The following MYO18B variants were observed in gnomAD, a reference collection of about 807,000 sequenced individuals.
MYO18B encodes the protein unconventional myosin-XVIIIb.
MYO18B carries 204 observed loss-of-function variants against 273.0 expected under a neutral mutation model. The ratio of observed to expected loss-of-function variants is 0.75; its 90% CI spans 0.67 to 0.84. The LOEUF is 0.84. Ranked by LOEUF, MYO18B falls within the 40% of genes least tolerant of loss-of-function variation. MYO18B has a pLI of 0.00. For missense variants in MYO18B, 3,212 were observed against 3,287.6 expected (o/e 0.98, Z 0.56); for synonymous variants, 1,330 against 1,305.7 (o/e 1.02, Z -0.40).
chr22:25,844,008 C>T (rs2090162434), intron 18 of MYO18B, 114 bp downstream of exon 18: 2 of 932,510 alleles, frequency 2.1e-6, no homozygotes, highest in Non-Finnish European at 3.1e-6. Flanking sequence ...GCCCAGGAAT[C>T]CCATCCCTCC....
chr22:25,858,011 A>G (rs695352), intron 21 of MYO18B, among the ~76,000 whole-genome samples: 15,386 of 152,222 alleles, frequency 0.1, 2,070 homozygotes, highest in African/African-American at 0.31. Flanking sequence ...AATCAACCCA[A>G]TGTAATTGGT....
chr22:25,768,467 C>T lies in MYO18B; in HGVS notation c.551C>T (p.Ala184Val), dbSNP rs747067145. ...DAPPCKTSPP[A>V]TDTGKEKKGE... ...CCCCCTTGCAAGACCTCTCCCCCCG[C>T]CACAGATACTGGAAAGGAAAAGAAA... The change falls in exon 4 of 44, where the codon GCC becomes GTC. Residue 184 changes from alanine (A) to valine (V), a missense_variant. Coordinates refer to ENST00000335473, the MANE Select transcript of MYO18B (RefSeq NM_032608.7). 6 of 1,594,220 alleles carry T rather than the reference C, an allele frequency of 3.8e-6. No homozygotes were observed. The East Asian group carries it at 9.0e-5, about 24-fold the overall frequency.
rs2090428220 is a variant in MYO18B at position 25,851,532 on chromosome 22, C to A, written c.3838C>A (p.Leu1280Ile). The A allele has an allele frequency of 1.3e-5, 20 of 1,561,428 alleles. No individual in the cohort carries two copies. The highest frequency in any genetic ancestry group is 1.6e-5 in the Non-Finnish European group (18 of 1,152,432). Residue 1280 changes from leucine to isoleucine, a missense_variant, in exon 21 of 44, where the codon CTC (leucine) becomes ATC (isoleucine). By Grantham distance (5) the Leu-to-Ile change is conservative. Coordinates refer to ENST00000335473, the MANE Select transcript of MYO18B (RefSeq NM_032608.7). Reference protein sequence around the residue: ...RRQFQVLDAPLLKKLMSTSEG... With the variant: ...RRQFQVLDAPILKKLMSTSEG... ...GCAATTCCAGGTGCTGGACGCTCCA[C>A]TCCTGAAGAAGCTCATGTCGACCTC...
At chr22:25,999,322 A>T (rs886540668) in intron 40 of MYO18B, among the ~76,000 whole-genome samples, 1 of 152,046 alleles carries the variant, frequency 6.6e-6, no homozygotes, top group Non-Finnish European at 1.5e-5. Context: ...CGTTAAGGAG[A>T]ACTTGTATCT....
chr22:25,961,728 G>A (rs1342370932), intron 39 of MYO18B, among the ~76,000 whole-genome samples: 5 of 152,138 alleles, frequency 3.3e-5, no homozygotes, highest in African/African-American at 1.2e-4. Context: ...GTCTGACTTC[G>A]GCCTGCCAGA....
intron 12 of MYO18B, among the ~76,000 whole-genome samples, chr22:25,822,825 T>G (rs1243972026): frequency 6.6e-6 from 1 of 152,218 alleles, no homozygotes; most frequent in Non-Finnish European, 1.5e-5. Context: ...GAAACGTGAC[T>G]GGGGGGACTA....
chr22:26,033,108 C>T (rs1039139613), downstream of MYO18B, among the ~76,000 whole-genome samples: 6 of 152,128 alleles, frequency 3.9e-5, no homozygotes, highest in Non-Finnish European at 7.4e-5. Context: ...TTATCAATGC[C>T]GGAGGGAACA....
chr22:25,898,336 G>T lies in MYO18B; in HGVS notation c.4698G>T (p.Gly1566=), dbSNP rs768055107. ...GGGAGTTGCAAAGTGCTTATGACGG[G>T]GCCAAGAAGATGGCTCACCAACTGA... The part of the protein sequence containing the change: ...KLGELQSAYD[G]AKKMAHQLKR... The change falls in exon 29 of 44, where the codon GGG becomes GGT. Residue 1566 remains glycine (G), a synonymous_variant. Coordinates refer to ENST00000335473, the MANE Select transcript of MYO18B (RefSeq NM_032608.7). The T allele has an allele frequency of 1.9e-6, 3 of 1,613,784 alleles. No homozygotes were observed. Among genetic ancestry groups the T allele is most frequent in the South Asian group, 1.1e-5 (1 of 91,052 alleles).
intron 20 of MYO18B, among the ~76,000 whole-genome samples, chr22:25,850,152 A>G (rs975394108): frequency 6.6e-6 from 1 of 152,074 alleles, no homozygotes; most frequent in Non-Finnish European, 1.5e-5. Flanking sequence ...CACACAAACA[A>G]TTGCTGTTCT....
At chr22:25,796,828 T>A (rs1367054080) in intron 11 of MYO18B, among the ~76,000 whole-genome samples, 1 of 151,972 alleles carries the variant, frequency 6.6e-6, no homozygotes, top group Non-Finnish European at 1.5e-5. Context: ...ATGACTGGAG[T>A]TTAAAGCCCA....
chr22:25,836,916 C>T (rs562675807), intron 17 of MYO18B, among the ~76,000 whole-genome samples: 17 of 151,500 alleles, frequency 1.1e-4, no homozygotes, highest in Admixed American at 1.3e-4. Flanking sequence ...GAGCCAAGAT[C>T]GCACCAGGGC....
At chr22:26,055,236 T>C in the MYO18B span, among the ~76,000 whole-genome samples, 1 of 152,216 alleles carries the variant, frequency 6.6e-6, no homozygotes, top group African/African-American at 2.4e-5. Context: ...CACCAAGCCC[T>C]TGGTTAAAGA....
chr22:25,925,705 G>T (rs2092410148), intron 34 of MYO18B, among the ~76,000 whole-genome samples: 1 of 151,000 alleles, frequency 6.6e-6, no homozygotes. Context: ...AGGAGTTTGA[G>T]ACCAGCCTGG....
intron 39 of MYO18B, among the ~76,000 whole-genome samples, chr22:25,977,864 A>G (rs1248373224): frequency 6.6e-6 from 1 of 152,204 alleles, no homozygotes; most frequent in Non-Finnish European, 1.5e-5. Context: ...TCCACTTTGC[A>G]GATGAGAAAA....
chr22:25,943,711 C>CTTTTT (rs59256754), intron 34 of MYO18B, among the ~76,000 whole-genome samples: 1 of 79,574 alleles, frequency 1.3e-5, no homozygotes, highest in East Asian at 2.6e-4. Flanking sequence ...TCTTTCTTTC[C>CTTTTT]TTTTTTTTTT....
At chr22:25,888,146 C>T (rs1167329813) in intron 25 of MYO18B, among the ~76,000 whole-genome samples, 1 of 152,182 alleles carries the variant, frequency 6.6e-6, no homozygotes, top group Non-Finnish European at 1.5e-5. Context: ...GTTTCTATGG[C>T]AGTAATTCCT....
At chr22:25,991,076 A>G (rs1393465118) in intron 39 of MYO18B, among the ~76,000 whole-genome samples, 1 of 152,062 alleles carries the variant, frequency 6.6e-6, no homozygotes, top group Non-Finnish European at 1.5e-5. Flanking sequence ...ACGCTGCCAC[A>G]ATTCTTATTT....
intron 27 of MYO18B, among the ~76,000 whole-genome samples, chr22:25,893,118 T>C (rs942753996): frequency 1.3e-4 from 20 of 152,314 alleles, no homozygotes; most frequent in Admixed American, 5.9e-4. Flanking sequence ...GTCTAAAATA[T>C]AGGAAATTTG....
At chr22:25,899,341 G>T (rs1018330710) in intron 29 of MYO18B, 2 of 152,224 alleles carry the variant, frequency 1.3e-5, no homozygotes, top group Non-Finnish European at 2.9e-5. Context: ...AGCCAGCCAA[G>T]TCCTAATGGA....
Sources: gnomAD v4.1 joint callset for allele counts (sites outside exome capture counted in the v4.1 genomes callset) on GRCh38, gnomAD v4.1.1 for gene constraint, MANE v1.5 for transcripts, NCBI Gene and HGNC (gene_info 2026-07-23, HGNC 2026-07-21) for gene names.